Variants in SDK1 observed in about 807,000 individuals in gnomAD.
SDK1 encodes sidekick cell adhesion molecule 1.
In SDK1, 157 loss-of-function variants were observed where a neutral mutation model predicts 245.5. That is an observed-to-expected ratio of 0.64 (90% CI 0.56 to 0.73). SDK1 has a LOEUF of 0.73. Ranked by LOEUF, SDK1 falls within the 30% of genes least tolerant of loss-of-function variation. The pLI is 0.00. For missense variants in SDK1, 3,583 were observed against 3,002.3 expected (o/e 1.19, Z -4.52); for synonymous variants, 1,647 against 1,278.5 (o/e 1.29, Z -6.15).
rs138918098 is a variant in SDK1 at position 3,757,324 on chromosome 7, C to G, written c.714-64126C>G. On this transcript the variant is annotated intron_variant, in intron 4 of 44. Transcript: ENST00000404826. ...CAAGGTCTCTCTCTGTCACTCAACTCCTGGTCTCAAGCGATCCTCCCTTGT... is the reference window on the plus strand; with the variant it reads ...CAAGGTCTCTCTCTGTCACTCAACTGCTGGTCTCAAGCGATCCTCCCTTGT... Among the ~76,000 whole-genome samples the G allele has an allele frequency of 1.8e-4, 27 of 152,258 alleles. 2 individuals carry two copies. Among genetic ancestry groups the G allele is most frequent in the African/African-American group, 6.0e-4 (25 of 41,554 alleles).
intron 17 of SDK1, among the ~76,000 whole-genome samples, chr7:4,046,698 G>C (rs1789038197): frequency 6.6e-6 from 1 of 152,088 alleles, no homozygotes; most frequent in African/African-American, 2.4e-5. Flanking sequence ...AGTTAGTCTT[G>C]AAATCATACA....
intron 25 of SDK1, among the ~76,000 whole-genome samples, chr7:4,114,738 G>A (rs554788725): frequency 6.6e-6 from 1 of 152,254 alleles, no homozygotes; most frequent in South Asian, 2.1e-4. Context: ...GTGGTCTAAG[G>A]TGGGCGTTCC....
chr7:3,715,922 A>G (rs937657931), intron 4 of SDK1, among the ~76,000 whole-genome samples: 1 of 152,216 alleles, frequency 6.6e-6, no homozygotes, highest in Non-Finnish European at 1.5e-5. Context: ...AAATGAAGAA[A>G]TAGAAAAATC....
intron 41 of SDK1, among the ~76,000 whole-genome samples, chr7:4,235,938 C>T (rs574763696): frequency 3.9e-5 from 6 of 152,366 alleles, no homozygotes; most frequent in East Asian, 1.9e-4. Flanking sequence ...AGGCCCACTC[C>T]GGGCCAGTTG....
chr7:3,540,689 G>A (rs578147705), intron 1 of SDK1, among the ~76,000 whole-genome samples: 19 of 152,170 alleles, frequency 1.2e-4, no homozygotes, highest in Admixed American at 3.9e-4. Context: ...CAAGCATGGT[G>A]CAGTCTGTGA....
At chr7:3,959,679 T>G (rs553542665) in intron 8 of SDK1, among the ~76,000 whole-genome samples, 4 of 152,378 alleles carry the variant, frequency 2.6e-5, no homozygotes, top group Non-Finnish European at 5.9e-5. Context: ...TTTGTCTTTC[T>G]GTGTCTGAGT....
At chr7:4,217,641 G>T (rs539007879) in intron 38 of SDK1, among the ~76,000 whole-genome samples, 1 of 152,104 alleles carries the variant, frequency 6.6e-6, no homozygotes, top group South Asian at 2.1e-4. Flanking sequence ...AGGCCACCTG[G>T]AGCACCAGGC....
intron 13 of SDK1, among the ~76,000 whole-genome samples, chr7:3,986,680 G>A (rs1489156300): frequency 3.3e-5 from 5 of 152,140 alleles, no homozygotes; most frequent in Admixed American, 2.6e-4. Flanking sequence ...CCAAGATGGT[G>A]TGAAACCCCA....
chr7:4,096,211 C>T (rs1584115511), intron 22 of SDK1, among the ~76,000 whole-genome samples: 1 of 152,256 alleles, frequency 6.6e-6, no homozygotes, highest in Admixed American at 6.5e-5. Flanking sequence ...GATCCCCTCA[C>T]TCTACCTTTA....
At chr7:3,507,653 GCCTGA>G (rs1180629874) in intron 1 of SDK1, among the ~76,000 whole-genome samples, 4 of 152,250 alleles carry the variant, frequency 2.6e-5, no homozygotes, top group Admixed American at 1.3e-4. Flanking sequence ...CCACAACAAA[GCCTGA>G]CACATTCTAA....
intron 4 of SDK1, among the ~76,000 whole-genome samples, chr7:3,713,657 C>T (rs1357292202): frequency 1.3e-5 from 2 of 152,196 alleles, no homozygotes; most frequent in Admixed American, 1.3e-4. Flanking sequence ...CATCAGATAC[C>T]TTTCTACAGC....
intron 25 of SDK1, among the ~76,000 whole-genome samples, 158 bp downstream of exon 25, chr7:4,114,432 G>A (rs961461772): frequency 3.3e-5 from 5 of 152,152 alleles, no homozygotes; most frequent in Non-Finnish European, 7.3e-5. Context: ...AGACTCGGCA[G>A]GAATTTCTGT....
chr7:3,669,627 C>T (rs981943481), intron 4 of SDK1, among the ~76,000 whole-genome samples: 2 of 152,142 alleles, frequency 1.3e-5, no homozygotes, highest in African/African-American at 4.8e-5. Context: ...TTTCCTCAAT[C>T]CTTGGTCCTA....
At chr7:3,873,837 C>T (rs958675314) in intron 5 of SDK1, among the ~76,000 whole-genome samples, 10 of 152,134 alleles carry the variant, frequency 6.6e-5, no homozygotes, top group Admixed American at 3.3e-4. Flanking sequence ...TGAAATTACC[C>T]GTCTGATCCT....
intron 1 of SDK1, among the ~76,000 whole-genome samples, chr7:3,550,780 T>G (rs1432643110): frequency 6.6e-6 from 1 of 152,258 alleles, no homozygotes; most frequent in South Asian, 2.1e-4. Context: ...AAGATTTCTT[T>G]TAAGAACTCT....
intron 5 of SDK1, among the ~76,000 whole-genome samples, chr7:3,945,899 TAAAAAAAAAAAAAAAAAAAAA>T (rs754101246): frequency 2.9e-4 from 4 of 13,686 alleles, no homozygotes; most frequent in South Asian, 9.0e-3. Flanking sequence ...ACTCTGTCTG[TAAAAAAAAAAAAAAAAAAAAA>T]AAAAAAAAAA....
intron 5 of SDK1, among the ~76,000 whole-genome samples, chr7:3,847,785 C>A (rs916431492): frequency 6.6e-6 from 1 of 152,192 alleles, no homozygotes; most frequent in Non-Finnish European, 1.5e-5. Context: ...ACCATGACAT[C>A]ATTCTTCTGA....
intron 1 of SDK1, among the ~76,000 whole-genome samples, chr7:3,397,807 A>G (rs1778761521): frequency 6.6e-6 from 1 of 151,902 alleles, no homozygotes; most frequent in Non-Finnish European, 1.5e-5. Flanking sequence ...TACATTACCC[A>G]CCTCTTCTTG....
chr7:4,212,005 TTTCC>T (rs1380521319), intron 38 of SDK1, among the ~76,000 whole-genome samples: 9 of 152,232 alleles, frequency 5.9e-5, no homozygotes, highest in Non-Finnish European at 1.3e-4. Context: ...GAGGCACGTC[TTTCC>T]CACCACACTG....
Sources: gnomAD v4.1 joint callset for allele counts (sites outside exome capture counted in the v4.1 genomes callset) on GRCh38, gnomAD v4.1.1 for gene constraint, MANE v1.5 for transcripts, NCBI Gene and HGNC (gene_info 2026-07-23, HGNC 2026-07-21) for gene names.